The following PTPRD variants were observed in gnomAD, a reference collection of about 807,000 sequenced individuals.
PTPRD encodes the protein protein tyrosine phosphatase receptor type D.
A neutral mutation model predicts 214.5 loss-of-function variants in PTPRD; 34 were observed. The observed-to-expected ratio is 0.16, with a 90% CI of 0.12 to 0.21. The LOEUF (loss-of-function observed/expected upper bound fraction) is 0.21, where lower values mean the gene tolerates loss of function less well. PTPRD is among the 10% of genes least tolerant of loss of function. PTPRD has a pLI of 1.00. For synonymous variants in PTPRD, 1,128 were observed against 845.7 expected (o/e 1.33, Z -5.79); for missense variants, 2,545 against 2,398.7 (o/e 1.06, Z -1.27).
intron 4 of PTPRD, among the ~76,000 whole-genome samples, chr9:9,980,515 G>A (rs1335758703): frequency 4.7e-5 from 7 of 149,482 alleles, no homozygotes; most frequent in Non-Finnish European, 7.4e-5. Context: ...GGCTGAGGTC[G>A]GAGAATCGCT....
At chr9:9,386,289 C>T (rs2063842896) in intron 9 of PTPRD, among the ~76,000 whole-genome samples, 1 of 152,094 alleles carries the variant, frequency 6.6e-6, no homozygotes, top group South Asian at 2.1e-4. Context: ...GGATTCATCA[C>T]CTAGGGTTGC....
intron 12 of PTPRD, among the ~76,000 whole-genome samples, chr9:8,695,009 T>C (rs1297391976): frequency 1.3e-5 from 2 of 152,144 alleles, no homozygotes; most frequent in Non-Finnish European, 2.9e-5. Flanking sequence ...ACATAAAACC[T>C]GAGGGAGGGT....
chr9:10,251,218 T>C (rs1037862582), intron 3 of PTPRD, among the ~76,000 whole-genome samples: 1 of 152,152 alleles, frequency 6.6e-6, no homozygotes, highest in Admixed American at 6.6e-5. Flanking sequence ...TGACCAGCAC[T>C]ATGCTAGGCA....
intron 4 of PTPRD, among the ~76,000 whole-genome samples, chr9:9,941,347 C>T (rs986140512): frequency 2.6e-5 from 4 of 152,130 alleles, no homozygotes; most frequent in African/African-American, 9.7e-5. Flanking sequence ...TTATTTTAGA[C>T]AGTCTCACTC....
chr9:9,005,127 C>T (rs2154357933), intron 11 of PTPRD, among the ~76,000 whole-genome samples: 1 of 152,080 alleles, frequency 6.6e-6, no homozygotes, highest in African/African-American at 2.4e-5. Flanking sequence ...TAGTCTGTTT[C>T]CACTGGTAGA....
At chr9:9,902,956 C>G (rs2076740020) in intron 5 of PTPRD, among the ~76,000 whole-genome samples, 1 of 152,108 alleles carries the variant, frequency 6.6e-6, no homozygotes, top group Middle Eastern at 3.2e-3. Context: ...AACTGTAGCT[C>G]ACTCTAATTC....
intron 10 of PTPRD, among the ~76,000 whole-genome samples, chr9:9,114,770 A>G (rs978235507): frequency 6.6e-6 from 1 of 152,102 alleles, no homozygotes; most frequent in South Asian, 2.1e-4. Flanking sequence ...GGCCGGCATT[A>G]GGGGGAGATG....
chr9:10,164,841 ATCTAATGAGATATGCTG>A (rs1234950998), intron 3 of PTPRD, among the ~76,000 whole-genome samples: 1 of 151,396 alleles, frequency 6.6e-6, no homozygotes, highest in Non-Finnish European at 1.5e-5. Flanking sequence ...ATGACAGAAA[ATCTAATGAGATATGCTG>A]AGCTTGGAAG....
chr9:10,236,011 T>C (rs1029005125), intron 3 of PTPRD, among the ~76,000 whole-genome samples: 1 of 151,938 alleles, frequency 6.6e-6, no homozygotes, highest in Non-Finnish European at 1.5e-5. Flanking sequence ...AGCTGTGATG[T>C]AATGTGGATT....
intron 11 of PTPRD, among the ~76,000 whole-genome samples, chr9:8,754,808 T>C (rs573334967): frequency 1.3e-5 from 2 of 152,300 alleles, no homozygotes; most frequent in Non-Finnish European, 2.9e-5. Flanking sequence ...AAAAAGATAT[T>C]TGCAAGAAAT....
chr9:10,204,670 C>G (rs1433310146), intron 3 of PTPRD, among the ~76,000 whole-genome samples: 1 of 152,032 alleles, frequency 6.6e-6, no homozygotes, highest in African/African-American at 2.4e-5. Context: ...AAAAATATGA[C>G]TGGTCAAAAC....
intron 10 of PTPRD, among the ~76,000 whole-genome samples, chr9:9,144,815 C>T (rs912443218): frequency 1.3e-5 from 2 of 151,840 alleles, no homozygotes; most frequent in African/African-American, 2.4e-5. Context: ...AACAAACAAA[C>T]AAAATCTTTA....
intron 9 of PTPRD, among the ~76,000 whole-genome samples, chr9:9,324,299 C>T (rs1490179569): frequency 1.3e-5 from 2 of 152,184 alleles, no homozygotes; most frequent in Non-Finnish European, 2.9e-5. Flanking sequence ...AGTTTACATT[C>T]CCACCAACAG....
chr9:9,211,524 C>CACAG (rs2099948656), intron 9 of PTPRD, among the ~76,000 whole-genome samples: 1 of 65,326 alleles, frequency 1.5e-5, no homozygotes, highest in African/African-American at 4.0e-5. Flanking sequence ...CGCACACACA[C>CACAG]ACACACACAC....
At chr9:9,998,123 A>ATATATATATATATATAT (rs1555449048) in intron 4 of PTPRD, among the ~76,000 whole-genome samples, 4 of 47,760 alleles carry the variant, frequency 8.4e-5, no homozygotes, top group African/African-American at 4.0e-4. Flanking sequence ...AATAAAAAAA[A>ATATATATATATATATAT]AAAAAAATAT....
intron 3 of PTPRD, among the ~76,000 whole-genome samples, chr9:10,230,833 T>C (rs891316383): frequency 9.9e-5 from 15 of 152,176 alleles, no homozygotes; most frequent in Admixed American, 3.9e-4. Context: ...TGTTACTTAT[T>C]TGCATCGGTT....
chr9:10,351,336 C>T (rs1490646119), intron 2 of PTPRD, among the ~76,000 whole-genome samples: 3 of 152,048 alleles, frequency 2.0e-5, no homozygotes, highest in Non-Finnish European at 2.9e-5. Flanking sequence ...TGGCTCCACA[C>T]ATTGCCTATC....
At chr9:9,482,117 G>C (rs940307702) in intron 8 of PTPRD, among the ~76,000 whole-genome samples, 1 of 152,004 alleles carries the variant, frequency 6.6e-6, no homozygotes, top group Non-Finnish European at 1.5e-5. Context: ...AAGTGATCAA[G>C]AGGTACAGAC....
At chr9:8,653,665 C>A (rs1394973363) in intron 12 of PTPRD, among the ~76,000 whole-genome samples, 1 of 152,130 alleles carries the variant, frequency 6.6e-6, no homozygotes, top group Non-Finnish European at 1.5e-5. Context: ...CAACCTCCCA[C>A]CCTTCACTAC....
Sources: gnomAD v4.1 joint callset for allele counts (sites outside exome capture counted in the v4.1 genomes callset) on GRCh38, gnomAD v4.1.1 for gene constraint, MANE v1.5 for transcripts, NCBI Gene and HGNC (gene_info 2026-07-23, HGNC 2026-07-21) for gene names.